Variants in SPAG16 observed in about 807,000 individuals in gnomAD.
SPAG16 encodes sperm associated antigen 16, also known as sperm-associated antigen 16 protein.
In SPAG16, 86 loss-of-function variants were observed where a neutral mutation model predicts 80.4. That is an observed-to-expected ratio of 1.07 (90% CI 0.90 to 1.28). The LOEUF is 1.28. Among genes scored for constraint, SPAG16 ranks in the 50% most tolerant of loss-of-function variants. The probability of loss-of-function intolerance (pLI) is 0.00; values close to 1 mark genes in which losing one functional copy is unlikely to be tolerated. For synonymous variants in SPAG16, 294 were observed against 265.9 expected, an observed-to-expected ratio of 1.11 and a Z score of -1.03; for missense variants, 870 against 765.3, an observed-to-expected ratio of 1.14 and a Z score of -1.61.
chr2:213,426,791 T>A (rs2069948739), intron 9 of SPAG16, among the ~76,000 whole-genome samples: 1 of 138,132 alleles, frequency 7.2e-6, no homozygotes. Context: ...GTGTGTATGT[T>A]TATATTTAAA....
At chr2:213,811,797 G>T (rs2072172242) in intron 10 of SPAG16, among the ~76,000 whole-genome samples, 1 of 152,048 alleles carries the variant, frequency 6.6e-6, no homozygotes, top group Non-Finnish European at 1.5e-5. Context: ...CAGCACTATG[G>T]ATAAGATTGC....
chr2:213,863,572 G>C (rs2075568802), intron 11 of SPAG16, among the ~76,000 whole-genome samples: 1 of 151,910 alleles, frequency 6.6e-6, no homozygotes, highest in Admixed American at 6.6e-5. Context: ...CTAGATGTTT[G>C]ACCCTACTTT....
chr2:213,832,766 A>G (rs1235464111), intron 10 of SPAG16, among the ~76,000 whole-genome samples: 1 of 152,148 alleles, frequency 6.6e-6, no homozygotes, highest in African/African-American at 2.4e-5. Flanking sequence ...GCTTAAAGAT[A>G]GACAGTTTTC....
At chr2:214,205,527 ACAGT>A (rs1398597324) in intron 15 of SPAG16, among the ~76,000 whole-genome samples, 3 of 152,198 alleles carry the variant, frequency 2.0e-5, no homozygotes, top group Non-Finnish European at 4.4e-5. Flanking sequence ...TTTAAACTAC[ACAGT>A]CAGTATTATA....
intron 15 of SPAG16, among the ~76,000 whole-genome samples, chr2:214,259,880 T>G (rs1224338624): frequency 6.6e-6 from 1 of 152,160 alleles, no homozygotes; most frequent in African/African-American, 2.4e-5. Context: ...TCTCAGGCAG[T>G]TCTCCTTTGA....
rs556205908 is a variant in SPAG16 at position 214,055,044 on chromosome 2, G to C, written c.1527+40967G>C. ...AGCAGGAGTGACACAGCATATAAGG[G>C]AAACTTAAATTTGGCAGGCTTTTAG... On this transcript the variant is annotated intron_variant, in intron 13 of 15. Coordinates refer to ENST00000331683, the MANE Select transcript of SPAG16 (RefSeq NM_024532.5). Among the ~76,000 whole-genome samples the C allele has an allele frequency of 4.6e-5, 7 of 152,222 alleles. No individual in the cohort carries two copies. The East Asian group carries it at 1.3e-3, about 29-fold the overall frequency.
intron 14 of SPAG16, among the ~76,000 whole-genome samples, chr2:214,148,499 C>T (rs1393187276): frequency 2.0e-5 from 3 of 152,154 alleles, no homozygotes; most frequent in African/African-American, 7.2e-5. Context: ...GCAAGCCCAA[C>T]TATGTTTTCT....
At chr2:213,356,236 T>C (rs1185565093) in intron 7 of SPAG16, among the ~76,000 whole-genome samples, 1 of 152,206 alleles carries the variant, frequency 6.6e-6, no homozygotes, top group Non-Finnish European at 1.5e-5. Flanking sequence ...TGCCAGGCTT[T>C]GGTATCAGGA....
chr2:214,242,273 C>A (rs1689549648), intron 15 of SPAG16, among the ~76,000 whole-genome samples: 1 of 152,180 alleles, frequency 6.6e-6, no homozygotes, highest in South Asian at 2.1e-4. Context: ...CCTACTCATT[C>A]CCATAATTCT....
At chr2:213,919,605 G>A (rs1478181576) in intron 11 of SPAG16, among the ~76,000 whole-genome samples, 1 of 152,130 alleles carries the variant, frequency 6.6e-6, no homozygotes, top group East Asian at 1.9e-4. Flanking sequence ...ATGTTTTTCA[G>A]TGATTATTTC....
intron 10 of SPAG16, among the ~76,000 whole-genome samples, chr2:213,771,935 C>G (rs1458291170): frequency 6.6e-6 from 1 of 152,010 alleles, no homozygotes; most frequent in Non-Finnish European, 1.5e-5. Flanking sequence ...TATACAGGCT[C>G]TTTTTTTGTT....
At chr2:214,031,957 G>A (rs750094412) in intron 13 of SPAG16, among the ~76,000 whole-genome samples, 6 of 152,152 alleles carry the variant, frequency 3.9e-5, no homozygotes, top group South Asian at 2.1e-4. Context: ...CCAACACTGA[G>A]AATTACAATT....
At chr2:214,287,171 A>G (rs1462346905) in intron 15 of SPAG16, among the ~76,000 whole-genome samples, 1 of 152,168 alleles carries the variant, frequency 6.6e-6, no homozygotes, top group Non-Finnish European at 1.5e-5. Context: ...TACTTTCTGA[A>G]CCATTTCCTA....
chr2:213,738,232 A>T (rs1236376659), intron 10 of SPAG16, among the ~76,000 whole-genome samples: 1 of 152,188 alleles, frequency 6.6e-6, no homozygotes, highest in South Asian at 2.1e-4. Flanking sequence ...TGGGGGATAC[A>T]TTTCAAGACC....
chr2:213,369,588 A>AT lies in SPAG16; in HGVS notation c.833-5411dup, dbSNP rs11326151. ...CTGTGTTTACTTTTAGGCAAAGAGGATTTTTTTTTTTGGCTCAGATAGCTA... is the reference window on the plus strand; with the variant it reads ...CTGTGTTTACTTTTAGGCAAAGAGGATTTTTTTTTTTTGGCTCAGATAGCTA... On this transcript the variant is annotated intron_variant, in intron 8 of 15. Coordinates refer to ENST00000331683, the MANE Select transcript of SPAG16 (RefSeq NM_024532.5). Among the ~76,000 whole-genome samples, 379 of 150,258 alleles carry AT rather than the reference A, an allele frequency of 2.5e-3. 3 individuals carry two copies. Among genetic ancestry groups the AT allele is most frequent in the African/African-American group, 8.3e-3 (339 of 40,818 alleles).
At chr2:214,295,225 G>T (rs1694050362) in intron 15 of SPAG16, among the ~76,000 whole-genome samples, 1 of 152,152 alleles carries the variant, frequency 6.6e-6, no homozygotes, top group South Asian at 2.1e-4. Flanking sequence ...AAAAGTGGGT[G>T]GGGCATTATT....
At chr2:213,974,572 C>T (rs1256175942) in intron 12 of SPAG16, among the ~76,000 whole-genome samples, 6 of 151,818 alleles carry the variant, frequency 4.0e-5, no homozygotes, top group South Asian at 2.1e-4. Context: ...ATTTAGAATC[C>T]GCAATACAAA....
chr2:213,700,108 T>G (rs2065339719), intron 10 of SPAG16, among the ~76,000 whole-genome samples: 2 of 152,188 alleles, frequency 1.3e-5, no homozygotes, highest in African/African-American at 4.8e-5. Context: ...TGTGTATACA[T>G]GCATGTAATA....
At chr2:214,016,130 T>C (rs1012391877) in intron 13 of SPAG16, among the ~76,000 whole-genome samples, 4 of 151,828 alleles carry the variant, frequency 2.6e-5, no homozygotes, top group Admixed American at 2.0e-4. Flanking sequence ...GGTTCAAGAG[T>C]GAATTTGATT....
Sources: allele counts gnomAD v4.1 joint callset (sites outside exome capture counted in the v4.1 genomes callset), GRCh38; gene constraint gnomAD v4.1.1; transcripts MANE v1.5; gene names NCBI Gene and HGNC (gene_info 2026-07-23, HGNC 2026-07-21).